Variants in CTNND2 observed in about 807,000 individuals in gnomAD.
The protein encoded by CTNND2 is catenin delta-2.
Under a neutral mutation model 144.4 loss-of-function variants are expected in CTNND2, and 22 were observed. The observed-to-expected ratio is 0.15, with a 90% CI of 0.11 to 0.22. The LOEUF (loss-of-function observed/expected upper bound fraction) is 0.22, where lower values mean the gene tolerates loss of function less well. CTNND2 is among the 10% of genes least tolerant of loss of function. The probability of loss-of-function intolerance (pLI) is 1.00; values close to 1 mark genes in which losing one functional copy is unlikely to be tolerated. For synonymous variants in CTNND2, 751 were observed against 695.6 expected (o/e 1.08, Z -1.25); for missense variants, 1,353 against 1,618.8 (o/e 0.84, Z 2.82).
intron 2 of CTNND2, among the ~76,000 whole-genome samples, chr5:11,652,116 C>A (rs1421066375): frequency 6.6e-6 from 1 of 152,122 alleles, no homozygotes; most frequent in Non-Finnish European, 1.5e-5. Context: ...AAATTGTAAT[C>A]CCCAATGTTG....
At chr5:11,551,807 G>T (rs1775791956) in intron 3 of CTNND2, among the ~76,000 whole-genome samples, 1 of 151,924 alleles carries the variant, frequency 6.6e-6, no homozygotes, top group African/African-American at 2.4e-5. Context: ...CACCATGTTG[G>T]CCAGGCTGGT....
intron 1 of CTNND2, among the ~76,000 whole-genome samples, chr5:11,742,538 TA>T (rs1561753224): frequency 6.6e-6 from 1 of 152,098 alleles, no homozygotes; most frequent in Non-Finnish European, 1.5e-5. Flanking sequence ...TCCTATGTTC[TA>T]AAAAACAAAT....
chr5:11,431,944 T>G (rs1259132370), intron 3 of CTNND2, among the ~76,000 whole-genome samples: 1 of 152,116 alleles, frequency 6.6e-6, no homozygotes, highest in Admixed American at 6.5e-5. Flanking sequence ...TAAATTCGCA[T>G]GGTATATTAT....
At chr5:11,048,687 T>C (rs1196330201) in intron 16 of CTNND2, among the ~76,000 whole-genome samples, 1 of 152,202 alleles carries the variant, frequency 6.6e-6, no homozygotes, top group Non-Finnish European at 1.5e-5. Flanking sequence ...CAGTGCTATA[T>C]CCAGCTAGTG....
At chr5:11,536,833 T>C (rs1467669675) in intron 3 of CTNND2, among the ~76,000 whole-genome samples, 2 of 152,098 alleles carry the variant, frequency 1.3e-5, no homozygotes, top group Non-Finnish European at 2.9e-5. Context: ...AAAGAACTTA[T>C]TTATGTAACC....
intron 10 of CTNND2, among the ~76,000 whole-genome samples, chr5:11,234,689 G>A (rs1741418860): frequency 6.6e-6 from 1 of 152,210 alleles, no homozygotes; most frequent in African/African-American, 2.4e-5. Flanking sequence ...CACGTTTACA[G>A]AGCCAGTTAG....
chr5:11,106,358 TTCACAGTAGC>T (rs2149678158), intron 14 of CTNND2, among the ~76,000 whole-genome samples: 1 of 152,364 alleles, frequency 6.6e-6, no homozygotes, highest in African/African-American at 2.4e-5. Context: ...TACCATGGAA[TTCACAGTAGC>T]TCCTCCTCAT....
intron 2 of CTNND2, among the ~76,000 whole-genome samples, chr5:11,700,562 G>A (rs1223735052): frequency 1.3e-5 from 2 of 152,166 alleles, no homozygotes; most frequent in Non-Finnish European, 2.9e-5. Flanking sequence ...GTGCCTCGGG[G>A]TGATGCACAT....
chr5:11,303,598 C>T (rs988614277), intron 9 of CTNND2, among the ~76,000 whole-genome samples: 3 of 152,172 alleles, frequency 2.0e-5, no homozygotes, highest in African/African-American at 7.2e-5. Context: ...TATCTGCTGA[C>T]CATAATGACC....
chr5:11,683,625 C>T (rs1381698022), intron 2 of CTNND2, among the ~76,000 whole-genome samples: 2 of 152,226 alleles, frequency 1.3e-5, no homozygotes, highest in Non-Finnish European at 2.9e-5. Context: ...TACTGAACTG[C>T]TCTTTATAAA....
intron 11 of CTNND2, among the ~76,000 whole-genome samples, chr5:11,186,533 T>C (rs1050271126): frequency 6.6e-6 from 1 of 152,326 alleles, no homozygotes; most frequent in African/African-American, 2.4e-5. Flanking sequence ...TATATTTTCA[T>C]TGGATAGTGT....
chr5:10,973,829 C>T lies in CTNND2; in HGVS notation c.3418-116G>A, dbSNP rs1023902105. The T allele has an allele frequency of 5.2e-6, 6 of 1,163,540 alleles. No homozygotes were observed. The Admixed American group carries it at 1.9e-4, about 37-fold the overall frequency. The allele number at this position is 1,163,540 out of a possible 1,614,324, so 72.1% of individuals were successfully genotyped here. A position where few individuals can be genotyped will look rare whatever the true frequency, so the allele number is the denominator to read the frequency against. ...TAGGCTGTGTATATCCAGGCATTCA[C>T]CACTGTGGCCCTGCTTCTCCAAAAC... On this transcript the variant is annotated intron_variant, in intron 21 of 21. Transcript: ENST00000304623. This position sits in a 1 kb window ranked among gnomAD's most constrained non-coding sequence, Gnocchi z 5.6.
chr5:11,419,734 A>G (rs1235158747), intron 3 of CTNND2, among the ~76,000 whole-genome samples: 1 of 152,176 alleles, frequency 6.6e-6, no homozygotes, highest in Non-Finnish European at 1.5e-5. Flanking sequence ...ATAAAAATAT[A>G]TATATGAAAG....
chr5:11,450,365 G>A (rs747520380), intron 3 of CTNND2, among the ~76,000 whole-genome samples: 9 of 152,260 alleles, frequency 5.9e-5, no homozygotes, highest in Admixed American at 2.6e-4. Context: ...CAGAACAGTC[G>A]TGCCTTCAGT....
chr5:11,798,360 A>T (rs1200305168), intron 1 of CTNND2, among the ~76,000 whole-genome samples: 1 of 152,116 alleles, frequency 6.6e-6, no homozygotes, highest in African/African-American at 2.4e-5. Flanking sequence ...TTAGTGGGGA[A>T]CTATTTTCAT....
At chr5:11,783,738 C>T (rs1790683236) in intron 1 of CTNND2, among the ~76,000 whole-genome samples, 1 of 152,142 alleles carries the variant, frequency 6.6e-6, no homozygotes. Flanking sequence ...TTCCTCTTTC[C>T]CTGTGGAGGC....
chr5:11,495,746 G>A (rs1047180614), intron 3 of CTNND2, among the ~76,000 whole-genome samples: 1 of 152,152 alleles, frequency 6.6e-6, no homozygotes, highest in Non-Finnish European at 1.5e-5. Flanking sequence ...AACAAGGCTT[G>A]AAGTTCAGCT....
intron 8 of CTNND2, among the ~76,000 whole-genome samples, chr5:11,360,854 C>T (rs1279695571): frequency 6.6e-6 from 1 of 152,160 alleles, no homozygotes; most frequent in African/African-American, 2.4e-5. Flanking sequence ...GTACATCTAG[C>T]ACACAGAGTA....
At chr5:11,645,554 TTTC>T (rs1782304998) in intron 2 of CTNND2, among the ~76,000 whole-genome samples, 3 of 152,348 alleles carry the variant, frequency 2.0e-5, no homozygotes, top group Non-Finnish European at 4.4e-5. Context: ...TTTTTAAAAA[TTTC>T]TTTTTATCCA....
Sources: allele counts gnomAD v4.1 joint callset (sites outside exome capture counted in the v4.1 genomes callset), GRCh38; gene constraint gnomAD v4.1.1; non-coding constraint Gnocchi (gnomAD v3.1); transcripts MANE v1.5; gene names NCBI Gene and HGNC (gene_info 2026-07-23, HGNC 2026-07-21).